S100Z: variants seen among roughly 807,000 people sequenced by gnomAD.
S100Z encodes protein S100-Z.
Under a neutral mutation model 8.5 loss-of-function variants are expected in S100Z, and 11 were observed. That is an observed-to-expected ratio of 1.30 (90% CI 0.82 to 2.15). The LOEUF is 2.15. Ranked by LOEUF, S100Z falls within the 30% of genes most tolerant of loss-of-function variation. S100Z has a pLI of 0.00. For synonymous variants in S100Z, 34 were observed against 43.8 expected, an observed-to-expected ratio of 0.78 and a Z score of 0.89; for missense variants, 126 against 117.9, an observed-to-expected ratio of 1.07 and a Z score of -0.32.
chr5:76,852,918 G>A (rs1750770889), intron 1 of S100Z, among the ~76,000 whole-genome samples: 1 of 152,130 alleles, frequency 6.6e-6, no homozygotes, highest in Non-Finnish European at 1.5e-5. Flanking sequence ...TAGTATCCAT[G>A]GGATGACTGC....
At chr5:76,952,641 A>C in the S100Z span, 1 of 152,940 alleles carries the variant, frequency 6.5e-6, no homozygotes, top group South Asian at 2.1e-4. Context: ...GTTTCATCCA[A>C]GGTTATGTGA....
At chr5:76,933,263 C>T in the S100Z span, among the ~76,000 whole-genome samples, 1 of 152,164 alleles carries the variant, frequency 6.6e-6, no homozygotes, top group Non-Finnish European at 1.5e-5. Flanking sequence ...GTGGAGTTCT[C>T]GCCTCCCTCA....
chr5:76,858,720 G>A (rs1750959338), intron 1 of S100Z, among the ~76,000 whole-genome samples: 1 of 152,068 alleles, frequency 6.6e-6, no homozygotes, highest in Non-Finnish European at 1.5e-5. Flanking sequence ...ATTAAGATTG[G>A]GAGTTTTTCA....
At chr5:76,864,424 T>C (rs1751193760) in intron 1 of S100Z, among the ~76,000 whole-genome samples, 1 of 121,482 alleles carries the variant, frequency 8.2e-6, no homozygotes, top group East Asian at 2.4e-4. Context: ...TTTTTTGAGA[T>C]GGAGTCTCAC....
chr5:76,867,981 A>G (rs994745204), intron 1 of S100Z, among the ~76,000 whole-genome samples: 3 of 152,184 alleles, frequency 2.0e-5, no homozygotes, highest in Non-Finnish European at 4.4e-5. Flanking sequence ...ACTCATACCA[A>G]AATTGCAAAG....
At chr5:76,939,517 CTT>C in the S100Z span, among the ~76,000 whole-genome samples, 6 of 139,968 alleles carry the variant, frequency 4.3e-5, no homozygotes, top group African/African-American at 1.6e-4. Flanking sequence ...TGGTGTTTAA[CTT>C]TTTTTTTTTT....
At chr5:76,867,779 G>T (rs531976652) in intron 1 of S100Z, among the ~76,000 whole-genome samples, 4 of 151,678 alleles carry the variant, frequency 2.6e-5, no homozygotes, top group African/African-American at 9.7e-5. Flanking sequence ...ATGGGGTTTC[G>T]CCATGTTGGC....
At chr5:76,867,710 T>C (rs1742818913) in intron 1 of S100Z, among the ~76,000 whole-genome samples, 1 of 151,190 alleles carries the variant, frequency 6.6e-6, no homozygotes, top group Non-Finnish European at 1.5e-5. Flanking sequence ...GCCTCTCGAG[T>C]AGCTGGGATT....
At chr5:76,929,780 C>G in the S100Z span, among the ~76,000 whole-genome samples, 6 of 152,296 alleles carry the variant, frequency 3.9e-5, no homozygotes, top group Non-Finnish European at 8.8e-5. Context: ...CCAACAGTAT[C>G]CAAATAACCA....
rs189194858 is a variant in S100Z, at chr5:76,856,066, G to A, written c.-176+5911G>A. Among the ~76,000 whole-genome samples the A allele has an allele frequency of 6.6e-5, 10 of 152,110 alleles. No individual in the cohort carries two copies. In the East Asian group the frequency reaches 7.7e-4, roughly 12 times the overall value. ...TCTTCCTCCTCCTTCCTCCTCCTCCGGCCACATAAGATGTGTCTGTTTCCC... is the reference window on the plus strand; with the variant it reads ...TCTTCCTCCTCCTTCCTCCTCCTCCAGCCACATAAGATGTGTCTGTTTCCC... On this transcript the variant is annotated intron_variant, in intron 1 of 4. Coordinates refer to ENST00000317593, the MANE Select transcript of S100Z (RefSeq NM_130772.4).
At chr5:76,866,003 A>T (rs1000179105) in intron 1 of S100Z, among the ~76,000 whole-genome samples, 1 of 150,842 alleles carries the variant, frequency 6.6e-6, no homozygotes, top group African/African-American at 2.4e-5. Flanking sequence ...CGACAGAGTG[A>T]GACTCCATCT....
At chr5:76,875,200 T>C (rs918059348) in intron 2 of S100Z, 104 bp from the exon 3 acceptor site, 11 of 652,130 alleles carry the variant, frequency 1.7e-5, no homozygotes, top group Admixed American at 1.7e-4. Flanking sequence ...CAGACTATTA[T>C]GTTTTTAACA....
At chr5:76,901,617 G>T (rs1353950240) in intron 4 of S100Z, among the ~76,000 whole-genome samples, 1 of 151,560 alleles carries the variant, frequency 6.6e-6, no homozygotes, top group East Asian at 2.0e-4. Context: ...ACCCTTCAGG[G>T]CAGTGCACTC....
intron 4 of S100Z, among the ~76,000 whole-genome samples, chr5:76,906,819 G>A (rs1289404389): frequency 1.3e-5 from 2 of 151,410 alleles, no homozygotes; most frequent in African/African-American, 4.9e-5. Flanking sequence ...TTTTAGTAGA[G>A]ACAGGGTATC....
downstream of S100Z, among the ~76,000 whole-genome samples, chr5:76,922,384 G>A (rs977829295): frequency 9.9e-5 from 15 of 152,204 alleles, no homozygotes; most frequent in African/African-American, 3.6e-4. Flanking sequence ...AGCTTCAAGA[G>A]ATTACCTGGG....
intron 2 of S100Z, among the ~76,000 whole-genome samples, chr5:76,874,603 TC>T (rs559108910): frequency 6.6e-6 from 1 of 152,042 alleles, no homozygotes; most frequent in Non-Finnish European, 1.5e-5. Context: ...CGTTTCCCCC[TC>T]CCCCACGTAT....
chr5:76,887,003 G>T (rs1356040401), intron 4 of S100Z, among the ~76,000 whole-genome samples: 1 of 152,102 alleles, frequency 6.6e-6, no homozygotes, highest in East Asian at 1.9e-4. Flanking sequence ...GCTTAGCTTG[G>T]GCTCAGAGGC....
At chr5:76,899,211 G>A (rs1223336523) in intron 4 of S100Z, among the ~76,000 whole-genome samples, 1 of 152,116 alleles carries the variant, frequency 6.6e-6, no homozygotes, top group South Asian at 2.1e-4. Flanking sequence ...GGGATTACAG[G>A]TGTGAGCCAC....
intron 4 of S100Z, among the ~76,000 whole-genome samples, chr5:76,906,974 GTGTATATATATA>G (rs1744456095): frequency 3.5e-5 from 4 of 114,718 alleles, no homozygotes; most frequent in African/African-American, 2.2e-4. Flanking sequence ...CATTGTGTGT[GTGTATATATATA>G]TATATATATA....
Sources: allele counts gnomAD v4.1 joint callset (sites outside exome capture counted in the v4.1 genomes callset), GRCh38; gene constraint gnomAD v4.1.1; transcripts MANE v1.5; gene names NCBI Gene and HGNC (gene_info 2026-07-23, HGNC 2026-07-21).